TMEM117: variants seen among roughly 807,000 people sequenced by gnomAD.
TMEM117 encodes the protein transmembrane protein 117.
In TMEM117, 27 loss-of-function variants were observed where a neutral mutation model predicts 52.4. The observed-to-expected ratio is 0.51, with a 90% CI of 0.38 to 0.71. The LOEUF (loss-of-function observed/expected upper bound fraction) is 0.71, where lower values mean the gene tolerates loss of function less well. Ranked by LOEUF, TMEM117 falls within the 30% of genes least tolerant of loss-of-function variation. The probability of loss-of-function intolerance (pLI) is 0.00; values close to 1 mark genes in which losing one functional copy is unlikely to be tolerated. For missense variants in TMEM117, 556 were observed against 630.5 expected (o/e 0.88, Z 1.26); for synonymous variants, 215 against 206.3 (o/e 1.04, Z -0.36).
the TMEM117 span, among the ~76,000 whole-genome samples, chr12:43,826,442 C>T: frequency 1.8e-4 from 28 of 152,196 alleles, no homozygotes; most frequent in Non-Finnish European, 3.8e-4. Flanking sequence ...CTGCTTCAAA[C>T]AGATAATGTC....
intron 2 of TMEM117, among the ~76,000 whole-genome samples, chr12:43,876,677 A>G (rs1307401482): frequency 6.6e-6 from 1 of 152,130 alleles, no homozygotes; most frequent in Non-Finnish European, 1.5e-5. Flanking sequence ...TTCCTGCCTC[A>G]TAGACACACA....
At chr12:44,246,006 G>A (rs567194135) in intron 5 of TMEM117, among the ~76,000 whole-genome samples, 14 of 152,102 alleles carry the variant, frequency 9.2e-5, no homozygotes, top group African/African-American at 2.9e-4. Context: ...TTCTAAATTA[G>A]GTTAGAGCAT....
chr12:43,897,130 T>G (rs900632298), intron 2 of TMEM117, among the ~76,000 whole-genome samples: 2 of 152,192 alleles, frequency 1.3e-5, no homozygotes, highest in Non-Finnish European at 2.9e-5. Context: ...CCAAATGCTT[T>G]GAATAAAACA....
intron 2 of TMEM117, among the ~76,000 whole-genome samples, chr12:43,884,146 A>AG (rs1330418099): frequency 4.3e-4 from 65 of 151,896 alleles, no homozygotes; most frequent in African/African-American, 1.4e-3. Context: ...AAAAAAAAAA[A>AG]AAAGAAAGAA....
intron 3 of TMEM117, among the ~76,000 whole-genome samples, chr12:43,984,130 G>A (rs575335225): frequency 6.6e-6 from 1 of 152,224 alleles, no homozygotes; most frequent in South Asian, 2.1e-4. Flanking sequence ...CACTTTGGGA[G>A]GCCTAGGCGG....
In TMEM117 at chr12:44,001,766, A is replaced by G. The variant is rs920366803; in HGVS notation, c.410+57424A>G. On this transcript the variant is annotated intron_variant, in intron 3 of 7. Transcript: ENST00000266534. Reference sequence around the variant, plus strand: ...GGCTGAAGGAGGGAGTGGGACTTCAAGGGTATGGGAACTGGGAGCTGTTGC... The same window carrying G: ...GGCTGAAGGAGGGAGTGGGACTTCAGGGGTATGGGAACTGGGAGCTGTTGC... Among the ~76,000 whole-genome samples the G allele has an allele frequency of 3.3e-5, 5 of 152,234 alleles. No homozygotes were observed. In the South Asian group the frequency reaches 1.0e-3, roughly 32 times the overall value.
chr12:43,908,558 G>A (rs1432080083), intron 2 of TMEM117, among the ~76,000 whole-genome samples: 1 of 151,106 alleles, frequency 6.6e-6, no homozygotes, highest in Non-Finnish European at 1.5e-5. Flanking sequence ...TGGCAAATTG[G>A]ATAAAGAGTC....
intron 5 of TMEM117, among the ~76,000 whole-genome samples, chr12:44,237,415 G>T (rs1009297475): frequency 2.0e-5 from 3 of 151,884 alleles, no homozygotes; most frequent in Non-Finnish European, 4.4e-5. Flanking sequence ...TAGTCTGCAA[G>T]CTCCTTTAAA....
chr12:44,206,375 T>C (rs573119172), intron 4 of TMEM117, among the ~76,000 whole-genome samples: 2 of 152,206 alleles, frequency 1.3e-5, no homozygotes, highest in Non-Finnish European at 2.9e-5. Context: ...ATAACCATCA[T>C]GAGCATGTCA....
chr12:43,813,419 T>C, the TMEM117 span, among the ~76,000 whole-genome samples: 1 of 151,488 alleles, frequency 6.6e-6, no homozygotes, highest in Non-Finnish European at 1.5e-5. Flanking sequence ...AATTTTTGTA[T>C]TTTTTAGTAG....
intron 3 of TMEM117, among the ~76,000 whole-genome samples, chr12:43,997,070 G>T (rs1946043785): frequency 6.6e-6 from 1 of 152,170 alleles, no homozygotes; most frequent in South Asian, 2.1e-4. Flanking sequence ...GATTTCTGTG[G>T]CATTTTACAA....
At chr12:44,021,513 G>C (rs562973984) in intron 3 of TMEM117, among the ~76,000 whole-genome samples, 2 of 152,274 alleles carry the variant, frequency 1.3e-5, no homozygotes, top group African/African-American at 4.8e-5. Flanking sequence ...TTCATAGCAG[G>C]CTAGGGTGGT....
chr12:43,904,969 C>A (rs543204056), intron 2 of TMEM117, among the ~76,000 whole-genome samples: 3 of 152,210 alleles, frequency 2.0e-5, no homozygotes, highest in South Asian at 2.1e-4. Context: ...CAAGGAGAAA[C>A]CCTGTCTCTA....
intron 2 of TMEM117, among the ~76,000 whole-genome samples, chr12:43,861,710 G>T (rs1015522236): frequency 6.6e-6 from 1 of 152,212 alleles, no homozygotes; most frequent in African/African-American, 2.4e-5. Context: ...TAGTAAAAGA[G>T]ACGTTATACA....
intron 6 of TMEM117, among the ~76,000 whole-genome samples, chr12:44,367,835 G>A (rs1951810328): frequency 6.6e-6 from 1 of 152,054 alleles, no homozygotes; most frequent in African/African-American, 2.4e-5. Context: ...CCATTTACCA[G>A]TTGCTCCAGC....
At chr12:44,184,174 C>T (rs895699522) in intron 4 of TMEM117, among the ~76,000 whole-genome samples, 6 of 151,966 alleles carry the variant, frequency 3.9e-5, no homozygotes, top group Non-Finnish European at 7.4e-5. Context: ...GGCGAAATCC[C>T]GTCTCTACTA....
At chr12:44,042,356 T>A (rs1057395194) in intron 3 of TMEM117, among the ~76,000 whole-genome samples, 6 of 152,156 alleles carry the variant, frequency 3.9e-5, no homozygotes, top group African/African-American at 1.4e-4. Flanking sequence ...ATCTTAATTT[T>A]TTTTTCAAAT....
chr12:43,886,254 C>T (rs541797398), intron 2 of TMEM117, among the ~76,000 whole-genome samples: 8 of 152,006 alleles, frequency 5.3e-5, no homozygotes, highest in South Asian at 4.2e-4. Flanking sequence ...ATATAGAGGG[C>T]GGTGTACCTG....
At chr12:44,042,784 AC>A in intron 3 of TMEM117, among the ~76,000 whole-genome samples, 1 of 151,166 alleles carries the variant, frequency 6.6e-6, no homozygotes, top group East Asian at 1.9e-4. Flanking sequence ...ACACACACAC[AC>A]ACACACACAC....
Sources: gnomAD v4.1 joint callset for allele counts (sites outside exome capture counted in the v4.1 genomes callset) on GRCh38, gnomAD v4.1.1 for gene constraint, MANE v1.5 for transcripts, NCBI Gene and HGNC (gene_info 2026-07-23, HGNC 2026-07-21) for gene names.